The following DCHS2 variants were observed in gnomAD, a reference collection of about 807,000 sequenced individuals.
DCHS2 encodes the protein dachsous cadherin-related 2, also known as protocadherin-23.
In DCHS2, 142 loss-of-function variants were observed where a neutral mutation model predicts 182.4. The observed-to-expected ratio is 0.78, with a 90% CI of 0.68 to 0.89. The LOEUF (loss-of-function observed/expected upper bound fraction) is 0.89, where lower values mean the gene tolerates loss of function less well. Among genes scored for constraint, DCHS2 ranks in the 40% least tolerant of loss-of-function variants. The pLI is 0.00. For missense variants in DCHS2, 4,319 were observed against 4,198.6 expected (o/e 1.03, Z -0.79); for synonymous variants, 1,740 against 1,663.3 (o/e 1.05, Z -1.12).
At chr4:154,251,547 T>G (rs971203802) in intron 16 of DCHS2, among the ~76,000 whole-genome samples, 39 of 152,322 alleles carry the variant, frequency 2.6e-4, no homozygotes, top group African/African-American at 8.4e-4. Flanking sequence ...AGACAAAGTC[T>G]CACTCTTGTT....
At chr4:154,378,264 G>A (rs1418111406) in intron 1 of DCHS2, among the ~76,000 whole-genome samples, 1 of 152,042 alleles carries the variant, frequency 6.6e-6, no homozygotes, top group East Asian at 1.9e-4. Context: ...AACTGTGGGA[G>A]TATATAGTGA....
intron 1 of DCHS2, among the ~76,000 whole-genome samples, chr4:154,419,581 C>T (rs780706757): frequency 4.2e-5 from 5 of 119,392 alleles, no homozygotes; most frequent in Non-Finnish European, 6.5e-5. Context: ...ACCTGGAAGG[C>T]GGAGGTTGCA....
chr4:154,386,076 G>A (rs762069049), intron 1 of DCHS2, among the ~76,000 whole-genome samples: 5 of 151,998 alleles, frequency 3.3e-5, no homozygotes, highest in African/African-American at 9.7e-5. Flanking sequence ...CTACCCTCCC[G>A]GTCTTTTTAG....
At chr4:154,280,920 A>G (rs1158813751) in intron 13 of DCHS2, among the ~76,000 whole-genome samples, 1 of 151,808 alleles carries the variant, frequency 6.6e-6, no homozygotes, top group Non-Finnish European at 1.5e-5. Flanking sequence ...CTCTGCCTCC[A>G]AGGTTGAAGT....
intron 1 of DCHS2, among the ~76,000 whole-genome samples, chr4:154,464,018 C>A (rs781415309): frequency 1.3e-5 from 2 of 152,076 alleles, no homozygotes; most frequent in African/African-American, 4.8e-5. Flanking sequence ...CAAGTCTATC[C>A]GTCCAAAGTA....
At chr4:154,272,319 A>G (rs1022872026) in intron 13 of DCHS2, 15 of 152,304 alleles carry the variant, frequency 9.8e-5, no homozygotes, top group African/African-American at 3.6e-4. Flanking sequence ...AAGAAAATGC[A>G]AAACTATTTT....
At chr4:154,400,873 A>G (rs1732146363) in intron 1 of DCHS2, among the ~76,000 whole-genome samples, 3 of 152,210 alleles carry the variant, frequency 2.0e-5, no homozygotes, top group African/African-American at 7.2e-5. Flanking sequence ...ATGCAGTTCC[A>G]GAAAATTAAG....
At chr4:154,263,328 T>C (rs1733075272) in intron 14 of DCHS2, among the ~76,000 whole-genome samples, 1 of 151,924 alleles carries the variant, frequency 6.6e-6, no homozygotes, top group African/African-American at 2.4e-5. Flanking sequence ...ACTTGACCAA[T>C]CTTCATGATA....
At chr4:154,463,905 G>A (rs1443994484) in intron 1 of DCHS2, among the ~76,000 whole-genome samples, 2 of 152,056 alleles carry the variant, frequency 1.3e-5, no homozygotes, top group South Asian at 2.1e-4. Flanking sequence ...AAAAACATGT[G>A]TAAAAATAAA....
At chr4:154,278,650 A>T (rs1486548470) in intron 13 of DCHS2, among the ~76,000 whole-genome samples, 1 of 152,002 alleles carries the variant, frequency 6.6e-6, no homozygotes, top group Non-Finnish European at 1.5e-5. Context: ...AAAGTGACTC[A>T]TCCTGAACAA....
At position 154,320,605 on chromosome 4, in the gene DCHS2, G is replaced by C. The variant is rs769479352; in HGVS notation, c.4794C>G (p.Asp1598Glu). Residue 1598 changes from aspartate (D) to glutamate (E), a missense_variant, in exon 9 of 20, where the codon GAC becomes GAG. Coordinates refer to ENST00000357232, the MANE Select transcript of DCHS2 (RefSeq NM_001358235.2). Reference protein sequence around the residue: ...TASDQAVNVTDRRLRSLTAQI... With the variant: ...TASDQAVNVTERRLRSLTAQI... ...GTGCTGTCAGTGATCTCAGTCGCCG[G>C]TCTGTCACATTCACAGCCTGATCAG... The C allele has an allele frequency of 6.2e-7, 1 of 1,614,076 alleles. No individual in the cohort carries two copies. The highest frequency in any genetic ancestry group is 8.5e-7 in the Non-Finnish European group (1 of 1,179,990).
At chr4:154,399,346 GAGT>G (rs1373315604) in intron 1 of DCHS2, among the ~76,000 whole-genome samples, 1 of 152,130 alleles carries the variant, frequency 6.6e-6, no homozygotes, top group Non-Finnish European at 1.5e-5. Context: ...AAAAACTAGT[GAGT>G]ACAAATCTGT....
chr4:154,359,238 T>G (rs1730008613), intron 3 of DCHS2, among the ~76,000 whole-genome samples: 1 of 152,040 alleles, frequency 6.6e-6, no homozygotes, highest in Admixed American at 6.6e-5. Flanking sequence ...GTCTATGCTC[T>G]TCACCTTGTC....
At chr4:154,320,262 A>G in intron 9 of DCHS2, 117 bp downstream of exon 9, 1 of 1,444,648 alleles carries the variant, frequency 6.9e-7, no homozygotes, top group African/African-American at 1.4e-5. Context: ...GCAACATTGA[A>G]CTCACAGTCA....
chr4:154,392,043 C>G (rs530353434), intron 1 of DCHS2, among the ~76,000 whole-genome samples: 1 of 152,046 alleles, frequency 6.6e-6, no homozygotes, highest in East Asian at 1.9e-4. Context: ...AAAATGACAC[C>G]GTTTTGTAAA....
chr4:154,457,611 A>G (rs6536011), intron 1 of DCHS2, among the ~76,000 whole-genome samples: 139,433 of 152,210 alleles, frequency 0.92, 65,135 homozygotes, highest in East Asian at 1. Flanking sequence ...AACCAGCAGC[A>G]GTAGTGTTGA....
intron 1 of DCHS2, among the ~76,000 whole-genome samples, chr4:154,463,113 A>C (rs1735082930): frequency 6.6e-6 from 1 of 151,270 alleles, no homozygotes; most frequent in South Asian, 2.1e-4. Flanking sequence ...GTACATACTT[A>C]TGTATATACA....
At chr4:154,313,626 A>T (rs1230131239) in intron 10 of DCHS2, among the ~76,000 whole-genome samples, 1 of 152,124 alleles carries the variant, frequency 6.6e-6, no homozygotes, top group Non-Finnish European at 1.5e-5. Flanking sequence ...TAACCCAATA[A>T]TCAAAAAAGA....
intron 1 of DCHS2, among the ~76,000 whole-genome samples, chr4:154,391,562 A>G (rs1323126651): frequency 1.3e-5 from 2 of 152,164 alleles, no homozygotes; most frequent in African/African-American, 4.8e-5. Flanking sequence ...CCATATGCAA[A>G]TGGCAACAAA....
Sources: allele counts gnomAD v4.1 joint callset (sites outside exome capture counted in the v4.1 genomes callset), GRCh38; gene constraint gnomAD v4.1.1; transcripts MANE v1.5; gene names NCBI Gene and HGNC (gene_info 2026-07-23, HGNC 2026-07-21).